Variants in GREB1L observed in about 807,000 individuals in gnomAD.
GREB1L encodes GREB1 like retinoic acid receptor coactivator, also known as GREB1-like protein.
GREB1L carries 17 observed loss-of-function variants against 200.8 expected under a neutral mutation model. The observed-to-expected ratio is 0.08, with a 90% CI of 0.06 to 0.13. The LOEUF (loss-of-function observed/expected upper bound fraction) is 0.13. Among genes scored for constraint, GREB1L ranks in the 10% least tolerant of loss-of-function variants. The probability of loss-of-function intolerance (pLI) is 1.00; values close to 1 mark genes in which losing one functional copy is unlikely to be tolerated. For missense variants in GREB1L, 1,657 were observed against 2,367.7 expected (o/e 0.70, Z 6.23); for synonymous variants, 789 against 893.0 (o/e 0.88, Z 2.08).
chr18:21,375,700 T>C (rs2040043763), intron 2 of GREB1L, among the ~76,000 whole-genome samples: 1 of 152,212 alleles, frequency 6.6e-6, no homozygotes, highest in African/African-American at 2.4e-5. Context: ...GGTTCTACCC[T>C]GTTTACCTGT....
At chr18:21,516,877 G>GTTTT (rs11413472) in intron 30 of GREB1L, 123 bp downstream of exon 30, 1,321 of 493,548 alleles carry the variant, frequency 2.7e-3, no homozygotes, top group South Asian at 3.2e-3. Context: ...ACACAAGGGA[G>GTTTT]TTTTTTTTTT....
At chr18:21,388,638 G>T (rs184550369) in intron 4 of GREB1L, among the ~76,000 whole-genome samples, 1 of 146,782 alleles carries the variant, frequency 6.8e-6, no homozygotes, top group South Asian at 2.2e-4. Context: ...TCCGCCTCCC[G>T]GGTTCACACC....
At chr18:21,371,013 G>A (rs902207176) in intron 2 of GREB1L, among the ~76,000 whole-genome samples, 2 of 152,062 alleles carry the variant, frequency 1.3e-5, no homozygotes, top group African/African-American at 4.8e-5. Flanking sequence ...TTGAGCCCAC[G>A]AGGTGGAGGT....
At chr18:21,371,856 T>G (rs1177610693) in intron 2 of GREB1L, among the ~76,000 whole-genome samples, 2 of 152,068 alleles carry the variant, frequency 1.3e-5, no homozygotes, top group Admixed American at 6.6e-5. Flanking sequence ...CAGGCACTAT[T>G]CTAAAAACTT....
At chr18:21,435,530 T>C (rs575519215) in intron 7 of GREB1L, among the ~76,000 whole-genome samples, 66 of 152,280 alleles carry the variant, frequency 4.3e-4, no homozygotes, top group African/African-American at 1.5e-3. Flanking sequence ...TAAGAGTAAG[T>C]TCTCAGAGGA....
Position 21,525,768 on chromosome 18 carries a change from T to TATC in GREB1L, c.*2948_*2950dup, listed in dbSNP as rs1189831929. Among the ~76,000 whole-genome samples the TATC allele has an allele frequency of 2.0e-5, 3 of 152,356 alleles. No homozygotes were observed. The highest frequency in any genetic ancestry group is 6.5e-5 in the Admixed American group (1 of 15,288). ...GATGCTGTTATTGTAGTATGAATTA[T>TATC]ATCTTCTTAAAAAATTTTACCAACT... On this transcript the variant is annotated 3_prime_UTR_variant, in exon 33 of 33. Coordinates refer to ENST00000424526, the MANE Select transcript of GREB1L (RefSeq NM_001142966.3).
intron 9 of GREB1L, among the ~76,000 whole-genome samples, chr18:21,441,184 A>T (rs2033878971): frequency 1.3e-5 from 2 of 152,236 alleles, no homozygotes; most frequent in African/African-American, 4.8e-5. Context: ...GCAAAATGCT[A>T]AATAGTAGTT....
intron 7 of GREB1L, among the ~76,000 whole-genome samples, chr18:21,425,096 T>C (rs1598810046): frequency 6.6e-6 from 1 of 152,224 alleles, no homozygotes; most frequent in Admixed American, 6.5e-5. Context: ...TTTCAGTTTT[T>C]CAGTCAGGTT....
Position 21,522,810 on chromosome 18 carries a change from C to T in GREB1L, c.5761C>T (p.Arg1921Cys), listed in dbSNP as rs1300452243. Residue 1921 changes from arginine (R) to cysteine (C), a missense_variant, in exon 33 of 33, where the codon CGT (arginine) becomes TGT (cysteine). By Grantham distance (180) the Arg-to-Cys change is radical. Transcript: ENST00000424526. ...DDKPLYFLTG[R>C]HV The stretch of plus-strand genomic sequence containing the variant: ...CAAGCCTCTCTACTTTCTTACTGGA[C>T]GTCATGTATGAGCTTTTGAAGAGAC... 1.5e-5 allele frequency: 24 copies of T among 1,550,444 alleles called. No individual in the cohort carries two copies. Among genetic ancestry groups the T allele is most frequent in the Middle Eastern group, 1.7e-4 (1 of 6,010 alleles).
intron 25 of GREB1L, among the ~76,000 whole-genome samples, chr18:21,507,230 T>C (rs536825711): frequency 6.6e-6 from 1 of 152,364 alleles, no homozygotes; most frequent in African/African-American, 2.4e-5. Flanking sequence ...CTACAGATTA[T>C]AGGTTTTTAG....
At chr18:21,496,729 G>A in intron 21 of GREB1L, 31 bp downstream of exon 21, 1 of 1,545,762 alleles carries the variant, frequency 6.5e-7, no homozygotes, top group Non-Finnish European at 8.7e-7. Flanking sequence ...TTCATGGAGT[G>A]AGAGACATGA....
intron 18 of GREB1L, among the ~76,000 whole-genome samples, chr18:21,487,627 G>A (rs2036175018): frequency 6.6e-6 from 1 of 152,172 alleles, no homozygotes; most frequent in Non-Finnish European, 1.5e-5. Flanking sequence ...TCTAGAGCTA[G>A]CTTTGTCTCT....
intron 4 of GREB1L, among the ~76,000 whole-genome samples, chr18:21,388,013 C>T (rs1239813075): frequency 6.6e-6 from 1 of 152,172 alleles, no homozygotes; most frequent in Non-Finnish European, 1.5e-5. Context: ...TAAATAGATA[C>T]ATACTTTACA....
chr18:21,392,993 G>A (rs551181412), intron 4 of GREB1L, among the ~76,000 whole-genome samples: 79 of 152,158 alleles, frequency 5.2e-4, no homozygotes, highest in African/African-American at 1.9e-3. Context: ...GACTGGTCTT[G>A]AACTCCTGGA....
In GREB1L at chr18:21,499,753, G is replaced by C. The variant is rs2036697435; in HGVS notation, c.3416G>C (p.Ser1139Thr). ...TSGSIMENGV[S>T]SSSTADKSQK... ...GGTTCCATCATGGAGAATGGAGTGA[G>C]CTCTTCCAGCACAGCTGACAAGTCC... Residue 1139 changes from serine to threonine, a missense_variant, in exon 22 of 33, where the codon AGC becomes ACC. Ser to Thr is a moderately conservative substitution (Grantham distance 58). Coordinates refer to ENST00000424526, the MANE Select transcript of GREB1L (RefSeq NM_001142966.3). 1 of 1,551,970 alleles carries C rather than the reference G, an allele frequency of 6.4e-7. No homozygotes were observed. The highest frequency in any genetic ancestry group is 8.7e-7 in the Non-Finnish European group (1 of 1,147,000).
chr18:21,499,355 G>C (rs901292605), intron 21 of GREB1L, among the ~76,000 whole-genome samples: 8 of 152,194 alleles, frequency 5.3e-5, no homozygotes, highest in Non-Finnish European at 8.8e-5. Context: ...GTGCTGTGCT[G>C]GGGGGTGGTT....
At chr18:21,485,895 T>C in intron 18 of GREB1L, 142 bp downstream of exon 18, 1 of 713,160 alleles carries the variant, frequency 1.4e-6, no homozygotes. Flanking sequence ...TAAAACAGCC[T>C]TTCCTAAGAT....
chr18:21,288,036 C>A (rs894458143), intron 1 of GREB1L, among the ~76,000 whole-genome samples: 1 of 152,052 alleles, frequency 6.6e-6, no homozygotes, highest in Non-Finnish European at 1.5e-5. Context: ...ATCTCCTGAC[C>A]TCATGATCTG....
chr18:21,368,936 G>A (rs1441227004), intron 2 of GREB1L, among the ~76,000 whole-genome samples: 1 of 152,136 alleles, frequency 6.6e-6, no homozygotes, highest in African/African-American at 2.4e-5. Flanking sequence ...TCTGGTTAAT[G>A]TTCATAGCCA....
Sources: gnomAD v4.1 joint callset for allele counts (sites outside exome capture counted in the v4.1 genomes callset) on GRCh38, gnomAD v4.1.1 for gene constraint, MANE v1.5 for transcripts, NCBI Gene and HGNC (gene_info 2026-07-23, HGNC 2026-07-21) for gene names.